Variants in PTPN12 observed in about 807,000 individuals in gnomAD.
PTPN12 encodes protein tyrosine phosphatase non-receptor type 12.
Under a neutral mutation model 97.6 loss-of-function variants are expected in PTPN12, and 29 were observed. That is an observed-to-expected ratio of 0.30 (90% CI 0.22 to 0.41). The LOEUF is 0.41. Ranked by LOEUF, PTPN12 falls within the 10% of genes least tolerant of loss-of-function variation. The pLI is 1.00. For synonymous variants in PTPN12, 327 were observed against 300.4 expected (o/e 1.09, Z -0.91); for missense variants, 819 against 926.0 (o/e 0.88, Z 1.50).
intron 1 of PTPN12, among the ~76,000 whole-genome samples, chr7:77,559,329 G>A (rs191076944): frequency 6.6e-6 from 1 of 152,310 alleles, no homozygotes; most frequent in Non-Finnish European, 1.5e-5. Flanking sequence ...TCTTTTAGCT[G>A]TGATAAATTA....
At chr7:77,544,885 A>G (rs1807141803) in intron 1 of PTPN12, among the ~76,000 whole-genome samples, 2 of 152,242 alleles carry the variant, frequency 1.3e-5, no homozygotes, top group Admixed American at 6.5e-5. Context: ...TCAGTGGTCC[A>G]AGGGTTTGTC....
intron 8 of PTPN12, among the ~76,000 whole-genome samples, chr7:77,605,623 C>T (rs1055894193): frequency 6.6e-6 from 1 of 151,330 alleles, no homozygotes; most frequent in African/African-American, 2.4e-5. Flanking sequence ...GACGGGGTTT[C>T]ACCACGTTGG....
chr7:77,626,611 A>G (rs1789188816), intron 12 of PTPN12, 94 bp from the exon 13 acceptor site: 3 of 1,340,998 alleles, frequency 2.2e-6, no homozygotes, highest in South Asian at 1.6e-5. Flanking sequence ...CCAGATTGTA[A>G]TGGCTCTTAA....
chr7:77,573,099 A>C lies in PTPN12; in HGVS notation c.208+1913A>C, dbSNP rs1174352475. 4.5e-5 allele frequency among the ~76,000 whole-genome samples: 6 copies of C among 134,810 alleles called. 1 individual carries two copies. Among genetic ancestry groups the C allele is most frequent in the African/African-American group, 1.7e-4 (6 of 35,088 alleles). 88.4% of individuals were successfully genotyped at this position (134,810 alleles called of 152,430 possible). A position where few individuals can be genotyped will look rare whatever the true frequency, so the allele number is the denominator to read the frequency against. The stretch of plus-strand genomic sequence containing the variant: ...CTCTATCTCAAAAAAAAAAAAAACA[A>C]AAAAACAAAAAAAACCAGTGTACCT... On this transcript the variant is annotated intron_variant, in intron 2 of 17. Coordinates refer to ENST00000248594, the MANE Select transcript of PTPN12 (RefSeq NM_002835.4).
intron 1 of PTPN12, 136 bp downstream of exon 1, chr7:77,537,781 C>G (rs1252607209): frequency 2.0e-6 from 2 of 983,812 alleles, no homozygotes; most frequent in African/African-American, 1.7e-5. Context: ...CCGGGTGAGC[C>G]GGGTGGTCTC....
At chr7:77,612,010 T>G (rs991515614) in intron 11 of PTPN12, among the ~76,000 whole-genome samples, 1 of 152,062 alleles carries the variant, frequency 6.6e-6, no homozygotes, top group African/African-American at 2.4e-5. Context: ...AGAATTTGTT[T>G]ACATCTTTGT....
rs1471389029 is a variant in PTPN12 at position 77,580,812 on chromosome 7, GAA to G, written c.209-613_209-612del. Reference sequence around the variant, plus strand: ...CTTTTTATAGTTTCTTGTGAAATATGAAAGTTACATTTTTTAAATAAGAATTT... The same window carrying G: ...CTTTTTATAGTTTCTTGTGAAATATGAGTTACATTTTTTAAATAAGAATTT... On this transcript the variant is annotated intron_variant, in intron 2 of 17. Coordinates refer to ENST00000248594, the MANE Select transcript of PTPN12 (RefSeq NM_002835.4). Among the ~76,000 whole-genome samples the G allele has an allele frequency of 2.0e-5, 3 of 152,034 alleles. No homozygotes were observed. The East Asian group carries it at 5.8e-4, about 29-fold the overall frequency.
At chr7:77,624,901 G>A (rs557895537) in intron 12 of PTPN12, among the ~76,000 whole-genome samples, 39 of 152,010 alleles carry the variant, frequency 2.6e-4, no homozygotes, top group African/African-American at 8.9e-4. Flanking sequence ...TGCGGGGGCC[G>A]AGGCAGGCAA....
chr7:77,543,575 T>A (rs1807084297), intron 1 of PTPN12, among the ~76,000 whole-genome samples: 1 of 152,172 alleles, frequency 6.6e-6, no homozygotes, highest in Non-Finnish European at 1.5e-5. Flanking sequence ...AGTCTATGAT[T>A]CACTAGTTTT....
chr7:77,575,059 C>G (rs1202939321), intron 2 of PTPN12, among the ~76,000 whole-genome samples: 2 of 151,814 alleles, frequency 1.3e-5, no homozygotes, highest in African/African-American at 4.8e-5. Flanking sequence ...GTCTCAAACT[C>G]CTGACCTCAG....
rs191715144 is a variant in PTPN12 at position 77,624,894 on chromosome 7, G to C, written c.1026-1811G>C. ...CACCCCTGTAATCCCAGCACTTTGC[G>C]GGGGCCGAGGCAGGCAAATCACTTG... On this transcript the variant is annotated intron_variant, in intron 12 of 17. Transcript: ENST00000248594. Among the ~76,000 whole-genome samples the C allele has an allele frequency of 1.3e-3, 195 of 152,016 alleles. 1 individual carries two copies. The highest frequency in any genetic ancestry group is 4.5e-3 in the African/African-American group (185 of 41,516).
chr7:77,540,197 A>G lies in PTPN12; in HGVS notation c.99+2552A>G, dbSNP rs183911569. On this transcript the variant is annotated intron_variant, in intron 1 of 17. Coordinates refer to ENST00000248594, the MANE Select transcript of PTPN12 (RefSeq NM_002835.4). ...AGGGTTCATGCTTTGGGGATGAGTC[A>G]GGGATTCCTATTGGAGAGTTCATTT... Among the ~76,000 whole-genome samples, 140 of 151,536 alleles carry G rather than the reference A, an allele frequency of 9.2e-4. 1 individual carries two copies. Among genetic ancestry groups the G allele is most frequent in the African/African-American group, 3.2e-3 (131 of 41,302 alleles).
At chr7:77,540,157 T>C (rs540177095) in intron 1 of PTPN12, among the ~76,000 whole-genome samples, 59 of 152,210 alleles carry the variant, frequency 3.9e-4, no homozygotes, top group Middle Eastern at 3.4e-3. Context: ...ACTCCTGTAC[T>C]GGAGAAGTGG....
At chr7:77,596,193 A>G (rs936813995) in intron 6 of PTPN12, among the ~76,000 whole-genome samples, 1 of 152,126 alleles carries the variant, frequency 6.6e-6, no homozygotes, top group Non-Finnish European at 1.5e-5. Context: ...TTTTTTAGGT[A>G]TAAGTAAAAC....
At chr7:77,581,342 A>T in intron 2 of PTPN12, 85 bp from the exon 3 acceptor site, 1 of 797,600 alleles carries the variant, frequency 1.3e-6, no homozygotes, top group Non-Finnish European at 2.0e-6. Flanking sequence ...AAATGTTCTT[A>T]AGCTGTCTAT....
chr7:77,561,782 AAT>A (rs1562712984), intron 1 of PTPN12, among the ~76,000 whole-genome samples: 9 of 124,586 alleles, frequency 7.2e-5, no homozygotes, highest in African/African-American at 1.9e-4. Context: ...TTAATTAATT[AAT>A]TTTATTTATT....
In PTPN12 at chr7:77,625,478, T is replaced by A. The variant is rs139585650; in HGVS notation, c.1026-1227T>A. ...CATATTGCCCAGGCTGCTCGCTCTC[T>A]CTCTCTCTCTCTCTCTCTCTCTCTC... is the stretch of plus-strand genomic sequence containing the variant. On this transcript the variant is annotated intron_variant, in intron 12 of 17. Coordinates refer to ENST00000248594, the MANE Select transcript of PTPN12 (RefSeq NM_002835.4). 6.4e-4 allele frequency among the ~76,000 whole-genome samples: 20 copies of A among 31,246 alleles called. 1 individual carries two copies. Among genetic ancestry groups the A allele is most frequent in the African/African-American group, 3.6e-3 (20 of 5,500 alleles). 20.5% of individuals were successfully genotyped at this position (31,246 alleles called of 152,430 possible).
At chr7:77,574,300 A>C (rs991645594) in intron 2 of PTPN12, among the ~76,000 whole-genome samples, 2 of 152,138 alleles carry the variant, frequency 1.3e-5, no homozygotes, top group Non-Finnish European at 2.9e-5. Flanking sequence ...GTCCTCTGAA[A>C]GTTCTGATTT....
chr7:77,618,681 T>C, intron 12 of PTPN12, 116 bp downstream of exon 12: 1 of 741,322 alleles, frequency 1.3e-6, no homozygotes, highest in Non-Finnish European at 2.1e-6. Context: ...ATTATTATTT[T>C]GTTAGGATGT....
Sources: gnomAD v4.1 joint callset for allele counts (sites outside exome capture counted in the v4.1 genomes callset) on GRCh38, gnomAD v4.1.1 for gene constraint, MANE v1.5 for transcripts, NCBI Gene and HGNC (gene_info 2026-07-23, HGNC 2026-07-21) for gene names.